The following ATXN7 variants were observed in gnomAD, a reference collection of about 807,000 sequenced individuals.
The protein encoded by ATXN7 is ataxin-7.
A neutral mutation model predicts 70.5 loss-of-function variants in ATXN7; 12 were observed. That is an observed-to-expected ratio of 0.17 (90% confidence interval 0.11 to 0.28). ATXN7 has a LOEUF of 0.28. ATXN7 is among the 10% of genes least tolerant of loss of function. ATXN7 has a pLI of 1.00. For missense variants in ATXN7, 1,256 were observed against 1,131.7 expected, an observed-to-expected ratio of 1.11 and a Z score of -1.58; for synonymous variants, 498 against 448.7, an observed-to-expected ratio of 1.11 and a Z score of -1.39.
At chr3:63,973,311 C>G (rs1169890104) in intron 5 of ATXN7, among the ~76,000 whole-genome samples, 1 of 152,112 alleles carries the variant, frequency 6.6e-6, no homozygotes, top group Non-Finnish European at 1.5e-5. Flanking sequence ...GGAAGGTGAC[C>G]ATAAACAACC....
chr3:63,902,063 T>C (rs1703662690), intron 2 of ATXN7: 1 of 152,118 alleles, frequency 6.6e-6, no homozygotes, highest in South Asian at 2.1e-4. Flanking sequence ...TAGATAGTAA[T>C]GTTGGTTGTA....
intron 2 of ATXN7, among the ~76,000 whole-genome samples, 191 bp from the exon 3 acceptor site, chr3:63,912,397 C>A (rs1383138222): frequency 2.0e-5 from 3 of 151,302 alleles, no homozygotes; most frequent in Non-Finnish European, 4.4e-5. Flanking sequence ...AGCTAGCCCG[C>A]GCCGCGGACT....
intron 2 of ATXN7, among the ~76,000 whole-genome samples, chr3:63,907,383 G>A (rs1188483027): frequency 6.6e-6 from 1 of 151,652 alleles, no homozygotes; most frequent in Admixed American, 6.6e-5. Flanking sequence ...GGTAGCTGAC[G>A]CAGTACACTA....
chr3:63,938,490 T>C (rs2074702087), intron 4 of ATXN7, among the ~76,000 whole-genome samples: 1 of 152,110 alleles, frequency 6.6e-6, no homozygotes, highest in Admixed American at 6.6e-5. Flanking sequence ...TACAAATCTC[T>C]CCCCTCCCCT....
intron 4 of ATXN7, among the ~76,000 whole-genome samples, chr3:63,918,012 A>G (rs142677232): frequency 6.6e-6 from 1 of 152,122 alleles, no homozygotes; most frequent in Non-Finnish European, 1.5e-5. Flanking sequence ...ACAGGACATC[A>G]CCTCTCTTAT....
chr3:63,892,467 TCACA>T lies in ATXN7; in HGVS notation c.-110-5908_-110-5905del, dbSNP rs60819300. Among the ~76,000 whole-genome samples the T allele has an allele frequency of 8.8e-3, 1,158 of 131,742 alleles. 17 individuals carry two copies. Among genetic ancestry groups the T allele is most frequent in the African/African-American group, 0.026 (905 of 34,168 alleles). The allele number at this position is 131,742 out of a possible 152,430, so 86.4% of individuals were successfully genotyped here. A position where few individuals can be genotyped will look rare whatever the true frequency, so the allele number is the denominator to read the frequency against. On this transcript the variant is annotated intron_variant, in intron 1 of 12. Transcript: ENST00000674280. ...CTTTAATTTGCCTCTTATCGCTCCT[TCACA>T]CACACACACACACACACACACACCC...
chr3:63,946,642 CAA>C (rs1201416885), intron 4 of ATXN7, among the ~76,000 whole-genome samples: 84 of 75,404 alleles, frequency 1.1e-3, no homozygotes, highest in Admixed American at 2.5e-3. Context: ...GACTCTGTCT[CAA>C]AAAAAAAAAA....
At position 63,990,213 on chromosome 3, in the gene ATXN7, C is replaced by G; in HGVS notation, c.1399C>G (p.Pro467Ala). The G allele has an allele frequency of 6.2e-7, 1 of 1,613,634 alleles. No individual in the cohort carries two copies. The highest frequency in any genetic ancestry group is 1.1e-5 in the South Asian group (1 of 91,034). ...GCPAQQGGSAPIDPPPVHESP... is the reference protein window; with the variant it reads ...GCPAQQGGSAAIDPPPVHESP... ...CCCTGCTCAGCAAGGTGGGAGTGCC[C>G]CCATTGACCCTCCTCCAGTCCATGA... The change falls in exon 10 of 13, where the codon CCC becomes GCC. Residue 467 changes from proline to alanine, a missense_variant. Transcript: ENST00000674280.
intron 2 of ATXN7, among the ~76,000 whole-genome samples, chr3:63,903,146 G>A (rs754094559): frequency 1.3e-5 from 2 of 151,974 alleles, no homozygotes; most frequent in Non-Finnish European, 2.9e-5. Context: ...TGTAATTCCG[G>A]CACTTTGGGA....
chr3:63,987,421 T>A lies in ATXN7; in HGVS notation c.1096-638T>A, dbSNP rs140531191. Among the ~76,000 whole-genome samples the A allele has an allele frequency of 3.2e-3, 489 of 152,334 alleles. 3 individuals carry two copies. The highest frequency in any genetic ancestry group is 0.011 in the African/African-American group (470 of 41,574). On this transcript the variant is annotated intron_variant, in intron 8 of 12. Transcript: ENST00000674280. ...CATAGCCAGTGTCTATCTATAGGGA[T>A]TACTTTGTCTCCCTTCCTGTTCATA...
Position 63,980,151 on chromosome 3 carries a change from G to T in ATXN7, c.736G>T (p.Val246Phe). 1 of 1,614,178 alleles carries T rather than the reference G, an allele frequency of 6.2e-7. No individual in the cohort carries two copies. Among genetic ancestry groups the T allele is most frequent in the Non-Finnish European group, 8.5e-7 (1 of 1,180,030 alleles). ...AATGCATCCCATTCAGCAAAGTAGA[G>T]TTCCCCATGGTAGAATGTGAGTATG... ...RPMHPIQQSR[V>F]PHGRIMTPSV... Residue 246 changes from valine to phenylalanine, a missense_variant, in exon 6 of 13, where the codon GTT becomes TTT. Physicochemically the swap from Val to Phe is conservative, Grantham distance 50. Coordinates refer to ENST00000674280, the MANE Select transcript of ATXN7 (RefSeq NM_001377405.1).
intron 4 of ATXN7, among the ~76,000 whole-genome samples, chr3:63,938,495 T>A (rs2074702210): frequency 1.3e-5 from 2 of 152,246 alleles, no homozygotes; most frequent in South Asian, 4.1e-4. Context: ...ATCTCTCCCC[T>A]CCCCTTTCCA....
At chr3:63,940,967 C>T (rs781248882) in intron 4 of ATXN7, among the ~76,000 whole-genome samples, 2 of 152,238 alleles carry the variant, frequency 1.3e-5, no homozygotes, top group East Asian at 3.9e-4. Flanking sequence ...CTTAAGGAAC[C>T]CGTGAGACAA....
chr3:63,965,450 C>T (rs2075204366), intron 5 of ATXN7, among the ~76,000 whole-genome samples: 1 of 152,202 alleles, frequency 6.6e-6, no homozygotes, highest in Non-Finnish European at 1.5e-5. Context: ...GGCTAATGCA[C>T]AGTTCAGAAC....
chr3:63,949,196 CT>C (rs1285704368), intron 4 of ATXN7, among the ~76,000 whole-genome samples: 1 of 151,624 alleles, frequency 6.6e-6, no homozygotes, highest in African/African-American at 2.4e-5. Context: ...ACATTCCACA[CT>C]CTGTTCCTGT....
chr3:63,900,352 C>G (rs112455848), intron 2 of ATXN7, among the ~76,000 whole-genome samples: 92 of 152,186 alleles, frequency 6.0e-4, no homozygotes, highest in Admixed American at 4.6e-4. Context: ...TTTACCATTA[C>G]CAATCTGAAA....
intron 11 of ATXN7, among the ~76,000 whole-genome samples, chr3:63,992,225 C>T (rs2075683395): frequency 6.6e-6 from 1 of 152,210 alleles, no homozygotes; most frequent in Non-Finnish European, 1.5e-5. Context: ...ATTAGCAGGA[C>T]TTACATCCGT....
intron 4 of ATXN7, among the ~76,000 whole-genome samples, chr3:63,934,483 A>G (rs2074621089): frequency 6.6e-6 from 1 of 152,254 alleles, no homozygotes; most frequent in African/African-American, 2.4e-5. Context: ...GGCACTAGGA[A>G]AGAGATGTTC....
intron 1 of ATXN7, among the ~76,000 whole-genome samples, chr3:63,890,041 G>C (rs1430878344): frequency 6.6e-6 from 1 of 152,160 alleles, no homozygotes; most frequent in African/African-American, 2.4e-5. Context: ...TTGACCATCA[G>C]CTATATGCCA....
Sources: gnomAD v4.1 joint callset for allele counts (sites outside exome capture counted in the v4.1 genomes callset) on GRCh38, gnomAD v4.1.1 for gene constraint, MANE v1.5 for transcripts, NCBI Gene and HGNC (gene_info 2026-07-23, HGNC 2026-07-21) for gene names.